NBAS: variants seen among roughly 807,000 people sequenced by gnomAD.
NBAS encodes the protein NBAS subunit of NRZ tethering complex, also known as NAG/BC035112 fusion.
Under a neutral mutation model 302.5 loss-of-function variants are expected in NBAS, and 219 were observed. That is an observed-to-expected ratio of 0.72 (90% CI 0.65 to 0.81). NBAS has a LOEUF of 0.81. Among genes scored for constraint, NBAS ranks in the 30% least tolerant of loss-of-function variants. NBAS has a pLI of 0.00. For synonymous variants in NBAS, 1,118 were observed against 1,021.6 expected, an observed-to-expected ratio of 1.09 and a Z score of -1.80; for missense variants, 2,932 against 2,841.6, an observed-to-expected ratio of 1.03 and a Z score of -0.72.
chr2:14,896,766 A>C, the NBAS span, among the ~76,000 whole-genome samples: 1 of 152,214 alleles, frequency 6.6e-6, no homozygotes, highest in African/African-American at 2.4e-5. Flanking sequence ...TGCAAAGAAG[A>C]AGCTGGTATT....
chr2:15,384,023 T>G (rs913323623), intron 28 of NBAS, among the ~76,000 whole-genome samples: 2 of 152,150 alleles, frequency 1.3e-5, no homozygotes, highest in Admixed American at 6.5e-5. Context: ...CAACATCTCT[T>G]GCAACACACT....
At chr2:14,848,050 TAAG>T in the NBAS span, among the ~76,000 whole-genome samples, 4 of 151,896 alleles carry the variant, frequency 2.6e-5, no homozygotes, top group African/African-American at 9.7e-5. Context: ...ATGAAGAAAT[TAAG>T]AAGAAAATTG....
At chr2:15,374,803 T>C (rs1674654535) in intron 30 of NBAS, 83 bp from the exon 31 acceptor site, 1 of 1,187,748 alleles carries the variant, frequency 8.4e-7, no homozygotes, top group Non-Finnish European at 1.2e-6. Context: ...CTAACACATA[T>C]TTATCAAAAA....
At chr2:15,314,217 A>G (rs1671405404) in intron 38 of NBAS, among the ~76,000 whole-genome samples, 1 of 152,034 alleles carries the variant, frequency 6.6e-6, no homozygotes, top group African/African-American at 2.4e-5. Context: ...CTATCCAGAC[A>G]TGATGGCATG....
At chr2:15,162,685 G>A (rs966095551), downstream of NBAS, among the ~76,000 whole-genome samples, 5 of 152,100 alleles carry the variant, frequency 3.3e-5, no homozygotes, top group Admixed American at 1.3e-4. Context: ...CTGCTGGTGC[G>A]GAGAAAACCC....
Position 15,276,716 on chromosome 2 carries a change from T to C in NBAS, c.5389+135A>G, listed in dbSNP as rs373534754. On this transcript the variant is annotated intron_variant, in intron 43 of 51. Coordinates refer to ENST00000281513, the MANE Select transcript of NBAS (RefSeq NM_015909.4). ...GTGAAAGAGTTGGAAAGATAATAAC[T>C]AAAGTCGATTAGCTTCAAAATTCTG... 48 of 1,307,732 alleles carry C rather than the reference T, an allele frequency of 3.7e-5. No individual in the cohort carries two copies. In the South Asian group the frequency reaches 5.6e-4, roughly 15 times the overall value. The allele number at this position is 1,307,732 out of a possible 1,614,324, so 81.0% of individuals were successfully genotyped here.
Position 15,364,918 on chromosome 2 carries a change from T to C in NBAS, c.3817+1662A>G, listed in dbSNP as rs542545310. On this transcript the variant is annotated intron_variant, in intron 32 of 51. Coordinates refer to ENST00000281513, the MANE Select transcript of NBAS (RefSeq NM_015909.4). ...GTTTTTTAAGCCACCAGGTTTTGGA[T>C]GGTTCGTAAAGCAGTAACAGATAAC... 3.9e-5 allele frequency among the ~76,000 whole-genome samples: 6 copies of C among 152,278 alleles called. No homozygotes were observed. In the South Asian group the frequency reaches 1.2e-3, roughly 32 times the overall value.
At chr2:15,385,968 T>C (rs753822706) in intron 28 of NBAS, among the ~76,000 whole-genome samples, 4 of 152,106 alleles carry the variant, frequency 2.6e-5, no homozygotes, top group African/African-American at 9.7e-5. Context: ...GATTTTAGAG[T>C]AAAATCAGCA....
At chr2:15,020,902 C>T in the NBAS span, among the ~76,000 whole-genome samples, 3 of 152,184 alleles carry the variant, frequency 2.0e-5, no homozygotes, top group Non-Finnish European at 2.9e-5. Flanking sequence ...TTAACCACCA[C>T]TTACTCAGTG....
chr2:15,517,362 G>A (rs144861891), intron 9 of NBAS, among the ~76,000 whole-genome samples: 2 of 152,158 alleles, frequency 1.3e-5, no homozygotes, highest in Admixed American at 6.5e-5. Context: ...TAACCAAATT[G>A]TTCAGGAAAA....
At chr2:15,393,520 T>G in intron 28 of NBAS, 1 of 376,118 alleles carries the variant, frequency 2.7e-6, no homozygotes, top group South Asian at 2.2e-5. Flanking sequence ...ACAGTACAAA[T>G]CCTTTAAAAA....
the NBAS span, among the ~76,000 whole-genome samples, chr2:15,080,808 C>T: frequency 6.6e-6 from 1 of 152,218 alleles, no homozygotes; most frequent in Non-Finnish European, 1.5e-5. Context: ...CACACTTCCA[C>T]CTGGGGGGAT....
In NBAS at chr2:15,402,223, C is replaced by A; in HGVS notation, c.3016G>T (p.Asp1006Tyr). 6.2e-7 allele frequency: 1 copy of A among 1,613,606 alleles called. No individual in the cohort carries two copies. The highest frequency in any genetic ancestry group is 1.1e-5 in the South Asian group (1 of 91,056). Residue 1006 changes from aspartate to tyrosine, a missense_variant, in exon 26 of 52, where the codon GAT becomes TAT. Asp to Tyr is a radical substitution (Grantham distance 160, BLOSUM62 -3). Transcript: ENST00000281513. ...LECIYTCERN[D>Y]QLCLCYDLLE... ...AGGTCATAGCAAAGACAGAGTTGAT[C>A]ATTTCGTTCACAGGTATAGATGCAC...
the NBAS span, among the ~76,000 whole-genome samples, chr2:15,067,792 C>T: frequency 1.3e-5 from 2 of 152,052 alleles, no homozygotes; most frequent in African/African-American, 2.4e-5. Context: ...TATGCAATCA[C>T]AAATTTGTTA....
At chr2:15,034,256 G>GAAAGAAAGAAA in the NBAS span, among the ~76,000 whole-genome samples, 4 of 96,340 alleles carry the variant, frequency 4.2e-5, no homozygotes, top group East Asian at 9.8e-4. Context: ...AAGAAAGAAA[G>GAAAGAAAGAAA]AAAGAAAGAA....
At chr2:14,889,500 A>G in the NBAS span, among the ~76,000 whole-genome samples, 1 of 152,378 alleles carries the variant, frequency 6.6e-6, no homozygotes, top group East Asian at 1.9e-4. Context: ...CCCTGCCACC[A>G]AAAGGAGTCC....
intron 19 of NBAS, among the ~76,000 whole-genome samples, chr2:15,463,851 T>C (rs1679613107): frequency 6.7e-6 from 1 of 149,460 alleles, no homozygotes; most frequent in Non-Finnish European, 1.5e-5. Flanking sequence ...TATTAGGGAA[T>C]TACTATTAAT....
chr2:15,508,003 G>A (rs1007199598), intron 10 of NBAS, among the ~76,000 whole-genome samples: 174 of 152,014 alleles, frequency 1.1e-3, no homozygotes, highest in African/African-American at 4.1e-3. Flanking sequence ...CAAACAGTAA[G>A]AGGAGGTTCG....
the NBAS span, among the ~76,000 whole-genome samples, chr2:15,061,683 A>G: frequency 1.3e-5 from 2 of 152,174 alleles, no homozygotes; most frequent in Non-Finnish European, 2.9e-5. Context: ...CAGGACCCCA[A>G]TAGCATACTC....
Sources: gnomAD v4.1 joint callset for allele counts (sites outside exome capture counted in the v4.1 genomes callset) on GRCh38, gnomAD v4.1.1 for gene constraint, MANE v1.5 for transcripts, NCBI Gene and HGNC (gene_info 2026-07-23, HGNC 2026-07-21) for gene names.